The following PLXNA4 variants were observed in gnomAD, a reference collection of about 807,000 sequenced individuals.
The protein encoded by PLXNA4 is plexin A4, also known as plexin-A4.
A neutral mutation model predicts 191.8 loss-of-function variants in PLXNA4; 44 were observed. The observed-to-expected ratio is 0.23, with a 90% CI of 0.18 to 0.29. The LOEUF is 0.29. Ranked by LOEUF, PLXNA4 falls within the 10% of genes least tolerant of loss-of-function variation. PLXNA4 has a pLI of 1.00. For synonymous variants in PLXNA4, 1,082 were observed against 1,009.5 expected, an observed-to-expected ratio of 1.07 and a Z score of -1.36; for missense variants, 1,800 against 2,488.8, an observed-to-expected ratio of 0.72 and a Z score of 5.89.
At chr7:132,228,250 C>T (rs1798398408) in intron 6 of PLXNA4, 96 bp downstream of exon 6, 1 of 1,540,858 alleles carries the variant, frequency 6.5e-7, no homozygotes, top group Non-Finnish European at 8.8e-7. Flanking sequence ...GGGCTTGGCC[C>T]AGTCCTCCAG....
At chr7:132,419,729 T>C (rs1794785455) in intron 3 of PLXNA4, among the ~76,000 whole-genome samples, 1 of 152,188 alleles carries the variant, frequency 6.6e-6, no homozygotes, top group Admixed American at 6.5e-5. Context: ...AAAGGCCAGA[T>C]AAGAAATATT....
chr7:132,617,869 T>C (rs1803186193), intron 2 of PLXNA4, among the ~76,000 whole-genome samples: 1 of 152,236 alleles, frequency 6.6e-6, no homozygotes, highest in Admixed American at 6.5e-5. Context: ...CTGCAGGTCT[T>C]GGGCTGGTAG....
chr7:132,190,454 C>T (rs1400989391), intron 14 of PLXNA4, among the ~76,000 whole-genome samples: 1 of 152,184 alleles, frequency 6.6e-6, no homozygotes, highest in African/African-American at 2.4e-5. Context: ...GGGCCTCAGC[C>T]CAGCTTGCAT....
At chr7:132,364,404 T>C (rs1349211835) in intron 3 of PLXNA4, among the ~76,000 whole-genome samples, 1 of 152,156 alleles carries the variant, frequency 6.6e-6, no homozygotes, top group Non-Finnish European at 1.5e-5. Context: ...GCACAAAGCT[T>C]TAGACTCCTT....
intron 3 of PLXNA4, among the ~76,000 whole-genome samples, chr7:132,431,503 CTG>C (rs569272255): frequency 1.5e-4 from 23 of 151,500 alleles, no homozygotes; most frequent in Admixed American, 5.3e-4. Flanking sequence ...AGCCCCAACA[CTG>C]TGAGAGGGAA....
intron 1 of PLXNA4, among the ~76,000 whole-genome samples, chr7:132,566,631 G>A (rs1801737733): frequency 6.6e-6 from 1 of 152,066 alleles, no homozygotes; most frequent in Admixed American, 6.6e-5. Context: ...AAATTGAGAA[G>A]GTGAATGTCA....
chr7:132,380,997 G>A (rs1804872065), intron 3 of PLXNA4, among the ~76,000 whole-genome samples: 1 of 152,252 alleles, frequency 6.6e-6, no homozygotes, highest in Non-Finnish European at 1.5e-5. Flanking sequence ...CTGAGCTAGA[G>A]ACTCACGTTT....
At chr7:132,410,125 G>A (rs1794390447) in intron 3 of PLXNA4, among the ~76,000 whole-genome samples, 1 of 152,186 alleles carries the variant, frequency 6.6e-6, no homozygotes, top group Non-Finnish European at 1.5e-5. Flanking sequence ...TGCTTCTAGG[G>A]GTGAAAGTTG....
At chr7:132,430,675 T>G (rs1358213012) in intron 3 of PLXNA4, among the ~76,000 whole-genome samples, 1 of 152,134 alleles carries the variant, frequency 6.6e-6, no homozygotes, top group Non-Finnish European at 1.5e-5. Context: ...ATAGCTTGAG[T>G]GCTAACAACC....
chr7:132,561,282 C>T (rs1185536056), intron 1 of PLXNA4, among the ~76,000 whole-genome samples: 1 of 151,032 alleles, frequency 6.6e-6, no homozygotes, highest in Non-Finnish European at 1.5e-5. Flanking sequence ...GCCCCTCTTC[C>T]TCCTCCTCCT....
At chr7:132,445,010 CG>C (rs1327387094) in intron 3 of PLXNA4, among the ~76,000 whole-genome samples, 3 of 151,166 alleles carry the variant, frequency 2.0e-5, no homozygotes, top group Admixed American at 6.6e-5. Context: ...AAAAATTAGC[CG>C]GGCACAGTGG....
chr7:132,484,247 A>G (rs1173831973), intron 3 of PLXNA4, among the ~76,000 whole-genome samples: 1 of 152,242 alleles, frequency 6.6e-6, no homozygotes, highest in African/African-American at 2.4e-5. Flanking sequence ...AAGTGGATAC[A>G]TTGGTCTGAG....
intron 5 of PLXNA4, among the ~76,000 whole-genome samples, chr7:132,229,746 T>C (rs1467098297): frequency 6.6e-6 from 1 of 151,706 alleles, no homozygotes; most frequent in African/African-American, 2.4e-5. Context: ...GGAGGGAGCC[T>C]TGGGGAGGGA....
intron 2 of PLXNA4, among the ~76,000 whole-genome samples, chr7:132,629,560 G>T (rs1418505456): frequency 2.0e-5 from 3 of 152,190 alleles, no homozygotes; most frequent in Non-Finnish European, 2.9e-5. Context: ...TGCATACTGA[G>T]GATTGGGAAC....
At chr7:132,301,166 C>T (rs1801291125) in intron 3 of PLXNA4, among the ~76,000 whole-genome samples, 1 of 152,174 alleles carries the variant, frequency 6.6e-6, no homozygotes, top group Non-Finnish European at 1.5e-5. Flanking sequence ...TCCCACCCCA[C>T]CCTCCAACAA....
In PLXNA4 at chr7:132,385,290, A is replaced by T. The variant is rs199823196; in HGVS notation, c.1372-87068T>A. Reference sequence around the variant, plus strand: ...CAAGGGTAGGGCAGAGGCTGGTACCAGGCATCTGGAAAAGATGAAACCTTA... The same window carrying T: ...CAAGGGTAGGGCAGAGGCTGGTACCTGGCATCTGGAAAAGATGAAACCTTA... On this transcript the variant is annotated intron_variant, in intron 3 of 31. Transcript: ENST00000321063. 24 of 1,611,792 alleles carry T rather than the reference A, an allele frequency of 1.5e-5. No homozygotes were observed. Among genetic ancestry groups the T allele is most frequent in the Middle Eastern group, 1.7e-4 (1 of 6,036 alleles).
intron 2 of PLXNA4, among the ~76,000 whole-genome samples, chr7:132,632,906 GCT>G (rs1803521229): frequency 6.6e-6 from 1 of 152,154 alleles, no homozygotes; most frequent in African/African-American, 2.4e-5. Context: ...CCAGAGATTA[GCT>G]CTTCTAATCT....
At chr7:132,479,404 A>C (rs1372389928) in intron 3 of PLXNA4, among the ~76,000 whole-genome samples, 1 of 152,216 alleles carries the variant, frequency 6.6e-6, no homozygotes, top group Non-Finnish European at 1.5e-5. Context: ...CATTTCTCAC[A>C]GATGCAACCC....
intron 14 of PLXNA4, among the ~76,000 whole-genome samples, chr7:132,192,887 G>A (rs78490272): frequency 2.6e-5 from 4 of 152,108 alleles, no homozygotes; most frequent in Admixed American, 2.6e-4. Context: ...AGGCAGGAAG[G>A]AATTTAAGGA....
Sources: gnomAD v4.1 joint callset for allele counts (sites outside exome capture counted in the v4.1 genomes callset) on GRCh38, gnomAD v4.1.1 for gene constraint, MANE v1.5 for transcripts, NCBI Gene and HGNC (gene_info 2026-07-23, HGNC 2026-07-21) for gene names.